Variants in RAB31 observed in about 807,000 individuals in gnomAD.
The protein encoded by RAB31 is RAB31, member RAS oncogene family.
A neutral mutation model predicts 25.6 loss-of-function variants in RAB31; 21 were observed. That is an observed-to-expected ratio of 0.82 (90% CI 0.58 to 1.18). The LOEUF is 1.18. RAB31 is among the 50% of genes most tolerant of loss of function. The pLI is 0.00. For missense variants in RAB31, 196 were observed against 250.1 expected (o/e 0.78, Z 1.46); for synonymous variants, 87 against 84.0 (o/e 1.04, Z -0.20).
At chr18:9,845,758 C>T in intron 6 of RAB31, 67 bp downstream of exon 6, 2 of 1,465,092 alleles carry the variant, frequency 1.4e-6, no homozygotes, top group Middle Eastern at 1.9e-4. Flanking sequence ...CAAAGGATAA[C>T]ATTTTAGAAC....
intron 3 of RAB31, among the ~76,000 whole-genome samples, chr18:9,802,091 G>T (rs1380664680): frequency 1.3e-5 from 2 of 152,166 alleles, no homozygotes; most frequent in Non-Finnish European, 2.9e-5. Flanking sequence ...TTTGTAGTAA[G>T]CTTTCAAATT....
At chr18:9,709,138 A>C (rs1263428419) in intron 1 of RAB31, among the ~76,000 whole-genome samples, 2 of 152,088 alleles carry the variant, frequency 1.3e-5, no homozygotes, top group African/African-American at 4.8e-5. Context: ...ACTCCCCTAA[A>C]GTGGGGTTTT....
At chr18:9,816,849 C>T (rs1025871863) in intron 5 of RAB31, among the ~76,000 whole-genome samples, 1 of 152,242 alleles carries the variant, frequency 6.6e-6, no homozygotes. Context: ...AAGACAACTA[C>T]ATCATGCTTC....
At chr18:9,728,075 T>A (rs1231161258) in intron 1 of RAB31, among the ~76,000 whole-genome samples, 1 of 152,256 alleles carries the variant, frequency 6.6e-6, no homozygotes, top group Non-Finnish European at 1.5e-5. Context: ...CTTTCTCTAC[T>A]AATGTCTTCT....
Position 9,859,652 on chromosome 18 carries a change from G to A in RAB31, c.*327G>A, listed in dbSNP as rs2068837621. 5.2e-6 allele frequency: 1 copy of A among 191,978 alleles called. No homozygotes were observed. The highest frequency in any genetic ancestry group is 2.4e-5 in the African/African-American group (1 of 42,508). The allele number at this position is 191,978 out of a possible 1,614,324, so 11.9% of individuals were successfully genotyped here. A position where few individuals can be genotyped will look rare whatever the true frequency, so the allele number is the denominator to read the frequency against. ...TACAAAAGTCTTACTGCCTTATTAT[G>A]TGTATGGGATTCTAAAGTGGCATTC... On this transcript the variant is annotated 3_prime_UTR_variant, in exon 7 of 7. Coordinates refer to ENST00000578921, the MANE Select transcript of RAB31 (RefSeq NM_006868.4).
At position 9,779,912 on chromosome 18, in the gene RAB31, T is replaced by C. The variant is rs1194378020; in HGVS notation, c.119+4555T>C. ...ATGTTCGACTGGGCGTGGTGGCTCC[T>C]GCCTATAATCCCAGCACTGTGGGAG... On this transcript the variant is annotated intron_variant, in intron 2 of 6. Coordinates refer to ENST00000578921, the MANE Select transcript of RAB31 (RefSeq NM_006868.4). Among the ~76,000 whole-genome samples the C allele has an allele frequency of 2.0e-5, 3 of 152,302 alleles. No homozygotes were observed. In the East Asian group the frequency reaches 5.8e-4, roughly 29 times the overall value.
At chr18:9,818,445 T>G (rs2143085433) in intron 5 of RAB31, among the ~76,000 whole-genome samples, 1 of 152,324 alleles carries the variant, frequency 6.6e-6, no homozygotes, top group East Asian at 1.9e-4. Context: ...TTTCTGGACG[T>G]TTTGCATACA....
At chr18:9,799,812 C>T (rs2068504818) in intron 3 of RAB31, among the ~76,000 whole-genome samples, 1 of 152,126 alleles carries the variant, frequency 6.6e-6, no homozygotes, top group African/African-American at 2.4e-5. Flanking sequence ...AACCATTTCC[C>T]AGTTGAATCC....
At chr18:9,814,174 T>G in intron 4 of RAB31, 83 bp downstream of exon 4, 1 of 1,030,226 alleles carries the variant, frequency 9.7e-7, no homozygotes, top group Non-Finnish European at 1.5e-6. Context: ...CGTCACTGCT[T>G]GCATCTTGCC....
intron 6 of RAB31, among the ~76,000 whole-genome samples, chr18:9,846,601 T>TG (rs2068763137): frequency 1.3e-5 from 2 of 152,210 alleles, no homozygotes; most frequent in South Asian, 4.1e-4. Context: ...TCAAATATCT[T>TG]AGCTCCAGAC....
intron 3 of RAB31, among the ~76,000 whole-genome samples, chr18:9,803,080 C>T (rs982580104): frequency 6.6e-6 from 1 of 152,130 alleles, no homozygotes; most frequent in African/African-American, 2.4e-5. Context: ...CAGCACAGCC[C>T]GGAATCCTGC....
At chr18:9,756,588 A>G (rs1193617294) in intron 1 of RAB31, among the ~76,000 whole-genome samples, 6 of 152,190 alleles carry the variant, frequency 3.9e-5, no homozygotes, top group Admixed American at 3.9e-4. Flanking sequence ...CAAATTTATT[A>G]TGGTTGGGAT....
intron 6 of RAB31, chr18:9,856,140 T>G (rs522160): frequency 6.6e-6 from 1 of 152,006 alleles, no homozygotes; most frequent in African/African-American, 2.4e-5. Flanking sequence ...ATTTTGAATA[T>G]TCTGAAGATA....
intron 5 of RAB31, among the ~76,000 whole-genome samples, chr18:9,843,151 G>T (rs1303653599): frequency 6.6e-6 from 1 of 152,124 alleles, no homozygotes; most frequent in Admixed American, 6.5e-5. Context: ...CTTGCCAGGT[G>T]CTCCTCACCC....
chr18:9,710,807 G>C (rs934030089), intron 1 of RAB31, among the ~76,000 whole-genome samples: 4 of 152,072 alleles, frequency 2.6e-5, no homozygotes, highest in Non-Finnish European at 5.9e-5. Flanking sequence ...GCAGTGAGCC[G>C]AAATCACGCC....
intron 1 of RAB31, among the ~76,000 whole-genome samples, chr18:9,745,865 C>A (rs1442716785): frequency 6.6e-6 from 1 of 152,200 alleles, no homozygotes; most frequent in Non-Finnish European, 1.5e-5. Flanking sequence ...AGATCAGGAA[C>A]AAGACAAGGA....
intron 1 of RAB31, among the ~76,000 whole-genome samples, chr18:9,710,173 G>A (rs1422678760): frequency 6.6e-6 from 1 of 152,174 alleles, no homozygotes; most frequent in African/African-American, 2.4e-5. Flanking sequence ...GTGTCAAGAG[G>A]CAGGAAACCT....
chr18:9,807,030 T>C (rs998590374), intron 3 of RAB31, among the ~76,000 whole-genome samples: 4 of 152,192 alleles, frequency 2.6e-5, no homozygotes, highest in Non-Finnish European at 4.4e-5. Context: ...CTGAAGGCTC[T>C]TGTGGAAACT....
intron 6 of RAB31, among the ~76,000 whole-genome samples, chr18:9,853,828 C>A (rs2143150341): frequency 6.6e-6 from 1 of 151,652 alleles, no homozygotes; most frequent in Admixed American, 6.6e-5. Flanking sequence ...AATTTTTTTC[C>A]ATAAACCAAA....
Sources: allele counts gnomAD v4.1 joint callset (sites outside exome capture counted in the v4.1 genomes callset), GRCh38; gene constraint gnomAD v4.1.1; transcripts MANE v1.5; gene names NCBI Gene and HGNC (gene_info 2026-07-23, HGNC 2026-07-21).